Variants in VPS13B observed in about 807,000 individuals in gnomAD.
VPS13B encodes the protein intermembrane lipid transfer protein VPS13B.
Under a neutral mutation model 426.4 loss-of-function variants are expected in VPS13B, and 285 were observed. That is an observed-to-expected ratio of 0.67 (90% CI 0.61 to 0.74). VPS13B has a LOEUF of 0.74. Among genes scored for constraint, VPS13B ranks in the 30% least tolerant of loss-of-function variants. The pLI is 0.00. For synonymous variants in VPS13B, 1,676 were observed against 1,676.4 expected (o/e 1.00, Z 0.01); for missense variants, 4,537 against 4,782.6 (o/e 0.95, Z 1.51).
intron 35 of VPS13B, chr8:99,697,185 G>A (rs925071341): frequency 3.6e-6 from 2 of 552,242 alleles, no homozygotes; most frequent in African/African-American, 3.8e-5. Context: ...GGTGAAAGTG[G>A]CTGAGGTGGA....
At chr8:99,794,007 C>T (rs1385926517) in intron 43 of VPS13B, among the ~76,000 whole-genome samples, 2 of 152,090 alleles carry the variant, frequency 1.3e-5, no homozygotes, top group Non-Finnish European at 2.9e-5. Context: ...ACCTATAATC[C>T]CAAAACTTTG....
intron 44 of VPS13B, among the ~76,000 whole-genome samples, chr8:99,812,348 A>G (rs1424979181): frequency 3.9e-5 from 6 of 152,188 alleles, no homozygotes; most frequent in Non-Finnish European, 7.3e-5. Context: ...ACCAAGCTTC[A>G]GAAGAGCTTT....
At chr8:99,219,802 A>G (rs1815600812) in intron 17 of VPS13B, among the ~76,000 whole-genome samples, 1 of 152,206 alleles carries the variant, frequency 6.6e-6, no homozygotes, top group South Asian at 2.1e-4. Flanking sequence ...AAATTTCAAT[A>G]TGAGTTTTGG....
intron 24 of VPS13B, among the ~76,000 whole-genome samples, chr8:99,473,198 A>G (rs987119104): frequency 6.6e-6 from 1 of 152,116 alleles, no homozygotes; most frequent in Non-Finnish European, 1.5e-5. Flanking sequence ...AAAAGACTTT[A>G]CAAAAGAAGG....
chr8:99,101,717 G>A (rs1318974864), intron 4 of VPS13B, among the ~76,000 whole-genome samples: 1 of 152,154 alleles, frequency 6.6e-6, no homozygotes, highest in African/African-American at 2.4e-5. Context: ...TGCATCATTG[G>A]GAATGAATGA....
At chr8:99,619,470 TA>T (rs1374582951) in intron 33 of VPS13B, among the ~76,000 whole-genome samples, 1 of 152,246 alleles carries the variant, frequency 6.6e-6, no homozygotes, top group Non-Finnish European at 1.5e-5. Flanking sequence ...TAAAATAGTG[TA>T]AATTTTGATG....
intron 16 of VPS13B, among the ~76,000 whole-genome samples, chr8:99,179,359 G>A (rs1812819626): frequency 6.6e-6 from 1 of 152,152 alleles, no homozygotes; most frequent in Non-Finnish European, 1.5e-5. Context: ...ATATGGTAAA[G>A]TTTAAAAGCT....
At chr8:99,795,573 C>T (rs1468417425) in intron 43 of VPS13B, among the ~76,000 whole-genome samples, 1 of 152,166 alleles carries the variant, frequency 6.6e-6, no homozygotes, top group African/African-American at 2.4e-5. Context: ...AAGCAATAAG[C>T]ACTTATTATC....
At chr8:99,303,969 G>A (rs979297986) in intron 19 of VPS13B, among the ~76,000 whole-genome samples, 1 of 151,956 alleles carries the variant, frequency 6.6e-6, no homozygotes, top group African/African-American at 2.4e-5. Context: ...ACATAATCCT[G>A]ATTTCTTAGA....
At chr8:99,108,327 T>G (rs889045119) in intron 5 of VPS13B, among the ~76,000 whole-genome samples, 2 of 152,218 alleles carry the variant, frequency 1.3e-5, no homozygotes, top group Admixed American at 1.3e-4. Flanking sequence ...CGTGTCTTTA[T>G]GGTAGAAAGA....
In VPS13B at chr8:99,084,022, A is replaced by G. The variant is rs1429520973; in HGVS notation, c.292-12290A>G. ...TTTTTCTATTGATTGGAATAGTTTC[A>G]GAAGGAATGGTACCAACTCCTCCTT... On this transcript the variant is annotated intron_variant, in intron 3 of 61. Coordinates refer to ENST00000357162, the MANE Select transcript of VPS13B (RefSeq NM_152564.5). 3.9e-4 allele frequency among the ~76,000 whole-genome samples: 59 copies of G among 151,380 alleles called. No individual in the cohort carries two copies. In the East Asian group the frequency reaches 5.6e-3, roughly 14 times the overall value.
At chr8:99,590,895 A>T (rs546854156) in intron 33 of VPS13B, among the ~76,000 whole-genome samples, 1 of 152,112 alleles carries the variant, frequency 6.6e-6, no homozygotes, top group East Asian at 1.9e-4. Flanking sequence ...TATCCTCGTT[A>T]ACCTTCTGTC....
intron 36 of VPS13B, among the ~76,000 whole-genome samples, chr8:99,715,430 T>C (rs1832873089): frequency 6.6e-6 from 1 of 152,194 alleles, no homozygotes; most frequent in South Asian, 2.1e-4. Context: ...TCTTCTTTGA[T>C]GTTTTAAAAT....
Position 99,871,659 on chromosome 8 carries a change from G to C in VPS13B, c.11707G>C (p.Val3903Leu), listed in dbSNP as rs144797111. Residue 3903 changes from valine (V) to leucine (L), a missense_variant, in exon 61 of 62, where the codon GTG becomes CTG. This residue lies in a region of VPS13B where 4,311 missense variants were observed against 4,474.3 expected (regional missense o/e 0.96). Coordinates refer to ENST00000357162, the MANE Select transcript of VPS13B (RefSeq NM_152564.5). ...QDSKQNNLLT[V>L]QLKQPRVACD... is the part of the protein sequence containing the mutation. ...CAGCAAGCAGAACAACTTACTCACA[G>C]TGCAGCTCAAGCAGCCAAGAGTGGC... is the stretch of plus-strand genomic sequence containing the variant. 2.5e-5 allele frequency: 40 copies of C among 1,613,984 alleles called. No homozygotes were observed. The Admixed American group carries it at 3.0e-4, about 12-fold the overall frequency.
chr8:99,696,641 A>T (rs992363016), intron 35 of VPS13B: 5 of 699,204 alleles, frequency 7.2e-6, no homozygotes, highest in Non-Finnish European at 1.1e-5. Flanking sequence ...TGGAGCTGGC[A>T]GAGTTCCTCC....
intron 24 of VPS13B, among the ~76,000 whole-genome samples, chr8:99,473,242 A>G (rs529127848): frequency 2.0e-5 from 3 of 152,228 alleles, no homozygotes; most frequent in African/African-American, 7.2e-5. Flanking sequence ...TGAAAATGAT[A>G]TATAAGTTCT....
intron 19 of VPS13B, among the ~76,000 whole-genome samples, chr8:99,296,139 A>T (rs1820028471): frequency 6.6e-6 from 1 of 152,200 alleles, no homozygotes. Flanking sequence ...TAAGTTGGGG[A>T]CCATCTGTAC....
intron 42 of VPS13B, among the ~76,000 whole-genome samples, chr8:99,783,693 A>G (rs371497593): frequency 9.2e-5 from 14 of 152,318 alleles, no homozygotes; most frequent in African/African-American, 3.4e-4. Flanking sequence ...TTATTTCTCA[A>G]GAAAACTGCA....
At chr8:99,209,566 A>AT (rs59727162) in intron 17 of VPS13B, 4,841 of 225,352 alleles carry the variant, frequency 0.021, no homozygotes, top group South Asian at 0.04. Context: ...TTTAATAACA[A>AT]TTTTTTTTTT....
Sources: gnomAD v4.1 joint callset for allele counts (sites outside exome capture counted in the v4.1 genomes callset) on GRCh38, gnomAD v4.1.1 for gene constraint, gnomAD v4.1.1 regional missense constraint, MANE v1.5 for transcripts, NCBI Gene and HGNC (gene_info 2026-07-23, HGNC 2026-07-21) for gene names.